XKR9: variants seen among roughly 807,000 people sequenced by gnomAD.
XKR9 encodes XK-related protein 9.
XKR9 carries 32 observed loss-of-function variants against 32.0 expected under a neutral mutation model. That is an observed-to-expected ratio of 1.00 (90% confidence interval 0.76 to 1.34). The LOEUF (loss-of-function observed/expected upper bound fraction) is 1.34. XKR9 is among the 40% of genes most tolerant of loss of function. The probability of loss-of-function intolerance (pLI) is 0.00; values close to 1 mark genes in which losing one functional copy is unlikely to be tolerated. For missense variants in XKR9, 546 were observed against 429.7 expected, an observed-to-expected ratio of 1.27 and a Z score of -2.39; for synonymous variants, 168 against 143.4, an observed-to-expected ratio of 1.17 and a Z score of -1.22.
chr8:70,860,940 G>T, the XKR9 span, among the ~76,000 whole-genome samples: 1 of 152,080 alleles, frequency 6.6e-6, no homozygotes, highest in Non-Finnish European at 1.5e-5. Flanking sequence ...ACTAAACACA[G>T]CACTAAAAGA....
At chr8:70,883,720 G>C in the XKR9 span, among the ~76,000 whole-genome samples, 1 of 152,048 alleles carries the variant, frequency 6.6e-6, no homozygotes, top group African/African-American at 2.4e-5. Context: ...TCATAGCCTA[G>C]TTTTAATTGC....
downstream of XKR9, among the ~76,000 whole-genome samples, chr8:70,792,688 G>T (rs987264814): frequency 2.0e-5 from 3 of 152,142 alleles, no homozygotes; most frequent in East Asian, 5.8e-4. Flanking sequence ...AATGATAGAA[G>T]GTTTCTGAGA....
chr8:70,783,688 C>T (rs1330690769), intron 2 of XKR9, among the ~76,000 whole-genome samples: 1 of 152,094 alleles, frequency 6.6e-6, no homozygotes, highest in Non-Finnish European at 1.5e-5. Flanking sequence ...GTTTTCTTTG[C>T]TGTGCAGAAG....
At chr8:70,748,544 G>T (rs1448423158) in intron 2 of XKR9, among the ~76,000 whole-genome samples, 1 of 152,274 alleles carries the variant, frequency 6.6e-6, no homozygotes, top group Non-Finnish European at 1.5e-5. Context: ...TGACAAGCGT[G>T]GGAGGGAGGC....
At chr8:70,755,231 G>A (rs574629090) in intron 2 of XKR9, among the ~76,000 whole-genome samples, 3 of 152,260 alleles carry the variant, frequency 2.0e-5, no homozygotes, top group East Asian at 1.9e-4. Context: ...ACCACTTAGA[G>A]TGGCAATCAT....
the XKR9 span, among the ~76,000 whole-genome samples, chr8:70,929,249 G>A: frequency 6.6e-6 from 1 of 152,026 alleles, no homozygotes; most frequent in Admixed American, 6.6e-5. Context: ...AGACACAAGG[G>A]GCTATCGAGC....
chr8:70,675,025 G>C (rs1039975728), intron 2 of XKR9, 126 bp downstream of exon 2: 2 of 152,158 alleles, frequency 1.3e-5, no homozygotes, highest in Non-Finnish European at 2.9e-5. Context: ...ATTTCGGCTC[G>C]CAGCCAGGTA....
chr8:70,896,898 T>C, the XKR9 span, among the ~76,000 whole-genome samples: 1 of 152,160 alleles, frequency 6.6e-6, no homozygotes, highest in Non-Finnish European at 1.5e-5. Context: ...TATACTCTTT[T>C]AGTTATTTAA....
chr8:70,888,564 T>G, the XKR9 span, among the ~76,000 whole-genome samples: 2 of 152,038 alleles, frequency 1.3e-5, no homozygotes, highest in Non-Finnish European at 2.9e-5. Context: ...TATGTTTTCT[T>G]CTACTATTTT....
At chr8:71,049,108 A>G in the XKR9 span, among the ~76,000 whole-genome samples, 45 of 152,310 alleles carry the variant, frequency 3.0e-4, no homozygotes, top group African/African-American at 1.0e-3. Flanking sequence ...GTGGTTGACT[A>G]TATATTTTTG....
chr8:70,829,674 T>A, the XKR9 span, among the ~76,000 whole-genome samples: 16,466 of 152,194 alleles, frequency 0.11, 1,417 homozygotes, highest in Admixed American at 0.28. Flanking sequence ...GGTCTCGACC[T>A]CCTCACCTCG....
chr8:71,046,483 T>C, the XKR9 span, among the ~76,000 whole-genome samples: 1 of 152,234 alleles, frequency 6.6e-6, no homozygotes, highest in East Asian at 1.9e-4. Flanking sequence ...GGATGTATGT[T>C]GTCCCTTCTC....
the XKR9 span, among the ~76,000 whole-genome samples, chr8:70,953,405 G>C: frequency 2.7e-4 from 41 of 152,292 alleles, no homozygotes; most frequent in South Asian, 8.3e-4. Context: ...TCAACCTCCT[G>C]TGCCCAAGTG....
At chr8:70,960,478 A>T in the XKR9 span, among the ~76,000 whole-genome samples, 1 of 152,110 alleles carries the variant, frequency 6.6e-6, no homozygotes, top group South Asian at 2.1e-4. Flanking sequence ...GTCCAATGGG[A>T]GCCATTTCTG....
chr8:70,872,646 T>C, the XKR9 span, among the ~76,000 whole-genome samples: 1 of 152,146 alleles, frequency 6.6e-6, no homozygotes, highest in African/African-American at 2.4e-5. Context: ...ACTGTCTTGT[T>C]AGGGGCTAAT....
the XKR9 span, among the ~76,000 whole-genome samples, chr8:70,919,123 G>A: frequency 6.6e-6 from 1 of 152,112 alleles, no homozygotes; most frequent in South Asian, 2.1e-4. Flanking sequence ...CAGTGACAAG[G>A]ACTGGGGCTA....
At chr8:70,880,853 G>A in the XKR9 span, among the ~76,000 whole-genome samples, 1,000 of 152,196 alleles carry the variant, frequency 6.6e-3, 11 homozygotes, top group African/African-American at 0.022. Flanking sequence ...GAGGCATCAC[G>A]CTACCTGACT....
chr8:71,027,080 G>T, the XKR9 span, among the ~76,000 whole-genome samples: 2 of 152,018 alleles, frequency 1.3e-5, no homozygotes, highest in Non-Finnish European at 2.9e-5. Flanking sequence ...AAAGTTATTA[G>T]AATTATTATT....
chr8:70,881,466 A>C, the XKR9 span, among the ~76,000 whole-genome samples: 8 of 152,310 alleles, frequency 5.3e-5, no homozygotes, highest in East Asian at 7.7e-4. Flanking sequence ...ATATGAACAG[A>C]CACTTCTCAA....
Sources: allele counts gnomAD v4.1 joint callset (sites outside exome capture counted in the v4.1 genomes callset), GRCh38; gene constraint gnomAD v4.1.1; transcripts MANE v1.5; gene names NCBI Gene and HGNC (gene_info 2026-07-23, HGNC 2026-07-21).